FER1L6: variants seen among roughly 807,000 people sequenced by gnomAD.
FER1L6 encodes fer-1-like protein 6.
FER1L6 carries 177 observed loss-of-function variants against 219.2 expected under a neutral mutation model. The observed-to-expected ratio is 0.81, with a 90% CI of 0.71 to 0.91. The LOEUF (loss-of-function observed/expected upper bound fraction) is 0.91. Among genes scored for constraint, FER1L6 ranks in the 40% least tolerant of loss-of-function variants. The pLI is 0.00. For missense variants in FER1L6, 2,153 were observed against 2,259.9 expected (o/e 0.95, Z 0.96); for synonymous variants, 768 against 824.3 (o/e 0.93, Z 1.17).
At chr8:123,963,546 G>A (rs1271217407) in intron 3 of FER1L6, 148 bp downstream of exon 3, 14 of 828,088 alleles carry the variant, frequency 1.7e-5, no homozygotes, top group Non-Finnish European at 5.6e-6. Context: ...GACTGTGTCA[G>A]CTCAGTTTTC....
chr8:124,028,372 C>T (rs2130670403), intron 18 of FER1L6, among the ~76,000 whole-genome samples: 1 of 152,276 alleles, frequency 6.6e-6, no homozygotes, highest in South Asian at 2.1e-4. Context: ...TTGATTTTCA[C>T]TCCTGACTTT....
At chr8:124,023,714 G>T in intron 18 of FER1L6, 118 bp downstream of exon 18, 1 of 1,072,472 alleles carries the variant, frequency 9.3e-7, no homozygotes, top group Non-Finnish European at 1.3e-6. Context: ...AAGGTAGGAG[G>T]ACAACTAGAA....
At chr8:124,109,199 A>G (rs553216291) in intron 39 of FER1L6, among the ~76,000 whole-genome samples, 8 of 152,326 alleles carry the variant, frequency 5.3e-5, no homozygotes, top group African/African-American at 1.2e-4. Flanking sequence ...CAGATTTTAC[A>G]GGCAGGCTGG....
At chr8:123,863,027 G>T (rs1816772180) in intron 1 of FER1L6, among the ~76,000 whole-genome samples, 1 of 136,458 alleles carries the variant, frequency 7.3e-6, no homozygotes, top group African/African-American at 3.3e-5. Flanking sequence ...GCTAGCTTTT[G>T]AATGTGTTTG....
intron 18 of FER1L6, among the ~76,000 whole-genome samples, chr8:124,029,878 T>C (rs895374776): frequency 1.3e-5 from 2 of 152,252 alleles, no homozygotes; most frequent in African/African-American, 4.8e-5. Flanking sequence ...GGTTTTCTTC[T>C]AGGATTTTTA....
At chr8:124,066,635 C>T in intron 27 of FER1L6, 85 bp downstream of exon 27, 1 of 1,456,954 alleles carries the variant, frequency 6.9e-7, no homozygotes, top group Non-Finnish European at 9.4e-7. Flanking sequence ...ACATAACCTC[C>T]TTTTAAATGC....
chr8:124,020,833 A>G (rs1818425683), intron 16 of FER1L6, among the ~76,000 whole-genome samples: 1 of 152,224 alleles, frequency 6.6e-6, no homozygotes, highest in Non-Finnish European at 1.5e-5. Context: ...GGAACAGCTC[A>G]GTACACCTTA....
At chr8:123,983,377 A>G (rs1325731647) in intron 11 of FER1L6, among the ~76,000 whole-genome samples, 1 of 152,192 alleles carries the variant, frequency 6.6e-6, no homozygotes, top group Non-Finnish European at 1.5e-5. Flanking sequence ...TCATTTTTAA[A>G]ATTCTGTGAA....
Position 123,979,239 on chromosome 8 carries a change from C to T in FER1L6, c.1064-1226C>T, listed in dbSNP as rs569267165. Among the ~76,000 whole-genome samples the T allele has an allele frequency of 5.3e-5, 8 of 152,292 alleles. No homozygotes were observed. The South Asian group carries it at 1.2e-3, about 24-fold the overall frequency. ...ATAATAATAGCCTATATTCTTAGCA[C>T]TTCCTAAGGGCCTGCGTGAAGCACT... On this transcript the variant is annotated intron_variant, in intron 10 of 40. Transcript: ENST00000522917.
chr8:123,959,019 G>A (rs1229767652), intron 2 of FER1L6, among the ~76,000 whole-genome samples: 1 of 152,104 alleles, frequency 6.6e-6, no homozygotes, highest in African/African-American at 2.4e-5. Context: ...ATTGCAGATT[G>A]TGTATGGACT....
intron 1 of FER1L6, among the ~76,000 whole-genome samples, chr8:123,865,869 C>T (rs532785219): frequency 4.6e-5 from 7 of 151,372 alleles, no homozygotes; most frequent in South Asian, 4.1e-4. Context: ...CACTGGCCTG[C>T]GCCCACTGTC....
intron 16 of FER1L6, among the ~76,000 whole-genome samples, chr8:124,018,464 G>A (rs527620095): frequency 7.9e-5 from 12 of 152,162 alleles, no homozygotes; most frequent in East Asian, 3.9e-4. Flanking sequence ...TCCATCCTTC[G>A]TCCCAGAATG....
chr8:123,901,812 G>A (rs192405637), intron 1 of FER1L6, among the ~76,000 whole-genome samples: 12 of 150,606 alleles, frequency 8.0e-5, no homozygotes, highest in African/African-American at 2.9e-4. Context: ...TCCACCTCCC[G>A]GTTTCACACC....
chr8:124,069,990 AAACTC>A (rs1437684055), intron 29 of FER1L6, among the ~76,000 whole-genome samples: 1 of 152,232 alleles, frequency 6.6e-6, no homozygotes, highest in African/African-American at 2.4e-5. Flanking sequence ...ACCAAACCTA[AAACTC>A]AACTCAATTT....
At chr8:124,106,594 T>C (rs1405721480) in intron 39 of FER1L6, among the ~76,000 whole-genome samples, 1 of 152,118 alleles carries the variant, frequency 6.6e-6, no homozygotes. Flanking sequence ...TCTGCCTGGA[T>C]TGCCTTAGCC....
intron 15 of FER1L6, among the ~76,000 whole-genome samples, chr8:124,015,310 T>TTAAAGGGTCA (rs1818137266): frequency 6.6e-6 from 1 of 152,084 alleles, no homozygotes; most frequent in South Asian, 2.1e-4. Flanking sequence ...TCTTAGAGGC[T>TTAAAGGGTCA]GCTGACCCTT....
At chr8:123,904,857 G>A (rs977248075) in intron 1 of FER1L6, among the ~76,000 whole-genome samples, 4 of 152,216 alleles carry the variant, frequency 2.6e-5, no homozygotes, top group African/African-American at 9.7e-5. Context: ...TAGCTTTCAA[G>A]AGTCAGTTGT....
rs567614399 is a variant in FER1L6, at chr8:123,921,311, G to A, written c.-7-34681G>A. Among the ~76,000 whole-genome samples the A allele has an allele frequency of 2.0e-5, 3 of 152,204 alleles. No homozygotes were observed. In the South Asian group the frequency reaches 6.2e-4, roughly 32 times the overall value. ...CATTTTACGTTCCTGCCAACATTGT[G>A]CAAGGATTCCAACTTCTTTATATCT... On this transcript the variant is annotated intron_variant, in intron 1 of 40. Transcript: ENST00000522917.
At chr8:123,902,741 T>C (rs1812880994) in intron 1 of FER1L6, among the ~76,000 whole-genome samples, 1 of 152,214 alleles carries the variant, frequency 6.6e-6, no homozygotes, top group Admixed American at 6.5e-5. Flanking sequence ...CATTCTGTGG[T>C]TCTGTATCTT....
Sources: allele counts gnomAD v4.1 joint callset (sites outside exome capture counted in the v4.1 genomes callset), GRCh38; gene constraint gnomAD v4.1.1; transcripts MANE v1.5; gene names NCBI Gene and HGNC (gene_info 2026-07-23, HGNC 2026-07-21).